Variants in NAA11 observed in about 807,000 individuals in gnomAD.
NAA11 encodes N-alpha-acetyltransferase 11.
A neutral mutation model predicts 16.1 loss-of-function variants in NAA11; 15 were observed. That is an observed-to-expected ratio of 0.93 (90% confidence interval 0.62 to 1.44). The LOEUF is 1.44. Among genes scored for constraint, NAA11 ranks in the 40% most tolerant of loss-of-function variants. The pLI is 0.00. For synonymous variants in NAA11, 122 were observed against 112.4 expected, an observed-to-expected ratio of 1.09 and a Z score of -0.54; for missense variants, 298 against 291.3, an observed-to-expected ratio of 1.02 and a Z score of -0.17.
chr4:79,180,520 C>G, the NAA11 span, among the ~76,000 whole-genome samples: 1 of 152,116 alleles, frequency 6.6e-6, no homozygotes, highest in Admixed American at 6.6e-5. Context: ...CAAATCAAAA[C>G]CACAATGAGA....
At chr4:79,259,426 C>G (rs565885889) in intron 2 of NAA11, among the ~76,000 whole-genome samples, 1 of 152,334 alleles carries the variant, frequency 6.6e-6, no homozygotes, top group South Asian at 2.1e-4. Flanking sequence ...GAGCTGCATG[C>G]CCTGCTGCAG....
At chr4:79,227,444 T>C (rs984558856) in intron 2 of NAA11, 8 of 151,940 alleles carry the variant, frequency 5.3e-5, no homozygotes, top group African/African-American at 1.9e-4. Context: ...AATCTTGACT[T>C]CTATTGAAGA....
the NAA11 span, among the ~76,000 whole-genome samples, chr4:79,186,497 C>T: frequency 1.3e-5 from 2 of 152,098 alleles, no homozygotes; most frequent in Non-Finnish European, 2.9e-5. Flanking sequence ...GGACTGTGGA[C>T]AGGGGCATCA....
At chr4:79,297,128 C>T (rs1389189884) in intron 1 of NAA11, among the ~76,000 whole-genome samples, 3 of 152,172 alleles carry the variant, frequency 2.0e-5, no homozygotes, top group Non-Finnish European at 4.4e-5. Context: ...CCTGGCCATG[C>T]AGTTGCCGCT....
At chr4:79,180,029 GA>G in the NAA11 span, among the ~76,000 whole-genome samples, 1 of 152,114 alleles carries the variant, frequency 6.6e-6, no homozygotes, top group Non-Finnish European at 1.5e-5. Context: ...CAGCATGGGG[GA>G]AACTGCCCCC....
chr4:79,205,167 C>G, the NAA11 span, among the ~76,000 whole-genome samples: 1 of 151,918 alleles, frequency 6.6e-6, no homozygotes, highest in African/African-American at 2.4e-5. Context: ...GATTTATTTT[C>G]CTTTAAGTCG....
intron 1 of NAA11, among the ~76,000 whole-genome samples, chr4:79,309,714 CTT>C (rs71662804): frequency 6.1e-5 from 5 of 81,424 alleles, no homozygotes; most frequent in South Asian, 5.2e-4. Context: ...TTTTTTTTTT[CTT>C]TTTTTTTTTT....
downstream of NAA11, among the ~76,000 whole-genome samples, chr4:79,314,908 C>T (rs957878739): frequency 6.6e-6 from 1 of 151,866 alleles, no homozygotes; most frequent in African/African-American, 2.4e-5. Context: ...TTTTGTTGTA[C>T]ACGTTTTTAA....
chr4:79,255,817 T>C (rs1361888451), intron 2 of NAA11, among the ~76,000 whole-genome samples: 1 of 152,222 alleles, frequency 6.6e-6, no homozygotes, highest in Non-Finnish European at 1.5e-5. Context: ...AGTCAGACAG[T>C]AGCAGCTTAG....
chr4:79,243,046 G>A (rs938731538), intron 2 of NAA11, among the ~76,000 whole-genome samples: 5 of 152,170 alleles, frequency 3.3e-5, no homozygotes, highest in East Asian at 3.9e-4. Flanking sequence ...TGCTTCTTTC[G>A]GTTACCCAAG....
intron 2 of NAA11, among the ~76,000 whole-genome samples, chr4:79,232,446 T>C (rs1283414222): frequency 6.6e-6 from 1 of 151,972 alleles, no homozygotes; most frequent in Non-Finnish European, 1.5e-5. Flanking sequence ...CCTATGTTAA[T>C]GCTCACAGCA....
chr4:79,273,995 G>A (rs1271533917), intron 2 of NAA11, among the ~76,000 whole-genome samples: 1 of 152,014 alleles, frequency 6.6e-6, no homozygotes, highest in Non-Finnish European at 1.5e-5. Context: ...ATCTGAAGGT[G>A]ACACATGCTG....
intron 2 of NAA11, among the ~76,000 whole-genome samples, chr4:79,230,342 T>A (rs1721432046): frequency 6.6e-6 from 1 of 152,006 alleles, no homozygotes; most frequent in Non-Finnish European, 1.5e-5. Flanking sequence ...AGTTAGTGGG[T>A]GCAGCACACC....
intron 2 of NAA11, among the ~76,000 whole-genome samples, chr4:79,259,237 G>A (rs1722195157): frequency 6.6e-6 from 1 of 152,152 alleles, no homozygotes; most frequent in South Asian, 2.1e-4. Flanking sequence ...CCTTTGGTGA[G>A]CTAGACCTGG....
chr4:79,234,367 G>T (rs919462539), intron 2 of NAA11, among the ~76,000 whole-genome samples: 6 of 152,094 alleles, frequency 3.9e-5, no homozygotes, highest in Non-Finnish European at 5.9e-5. Flanking sequence ...TTAAGCAAAT[G>T]TCTAGTTAGT....
chr4:79,223,193 C>T (rs1721231267), downstream of NAA11, among the ~76,000 whole-genome samples: 2 of 150,918 alleles, frequency 1.3e-5, no homozygotes, highest in African/African-American at 4.9e-5. Context: ...GACTCATGCA[C>T]ACGTATGTTT....
the NAA11 span, among the ~76,000 whole-genome samples, chr4:79,178,632 G>A: frequency 6.6e-5 from 10 of 152,232 alleles, no homozygotes; most frequent in African/African-American, 2.4e-4. Context: ...CTGCTTTTGT[G>A]GGACTTCAAG....
chr4:79,197,238 T>G, the NAA11 span, among the ~76,000 whole-genome samples: 2 of 151,472 alleles, frequency 1.3e-5, no homozygotes, highest in African/African-American at 2.4e-5. Context: ...TACTGAGGGG[T>G]TTTTTTTAAG....
At chr4:79,212,740 T>G in the NAA11 span, among the ~76,000 whole-genome samples, 1 of 152,012 alleles carries the variant, frequency 6.6e-6, no homozygotes, top group East Asian at 1.9e-4. Context: ...TATTAGTTAT[T>G]GTTGTTAATC....
Sources: allele counts gnomAD v4.1 joint callset (sites outside exome capture counted in the v4.1 genomes callset), GRCh38; gene constraint gnomAD v4.1.1; transcripts MANE v1.5; gene names NCBI Gene and HGNC (gene_info 2026-07-23, HGNC 2026-07-21).